PRELID2: variants seen among roughly 807,000 people sequenced by gnomAD.
PRELID2 encodes the protein PRELI domain-containing protein 2.
In PRELID2, 25 loss-of-function variants were observed where a neutral mutation model predicts 28.4. The observed-to-expected ratio is 0.88, with a 90% CI of 0.64 to 1.23. PRELID2 has a LOEUF of 1.23. Ranked by LOEUF, PRELID2 falls within the 50% of genes most tolerant of loss-of-function variation. PRELID2 has a pLI of 0.00. For missense variants in PRELID2, 201 were observed against 214.4 expected, an observed-to-expected ratio of 0.94 and a Z score of 0.39; for synonymous variants, 76 against 71.6, an observed-to-expected ratio of 1.06 and a Z score of -0.31.
chr5:145,542,955 T>C (rs1338784070), intron 1 of PRELID2, among the ~76,000 whole-genome samples: 1 of 152,068 alleles, frequency 6.6e-6, no homozygotes, highest in Non-Finnish European at 1.5e-5. Flanking sequence ...TTTAGTCTCC[T>C]GAACTCACTT....
intron 1 of PRELID2, among the ~76,000 whole-genome samples, chr5:145,830,573 A>G (rs1472597306): frequency 1.3e-5 from 2 of 152,246 alleles, no homozygotes; most frequent in African/African-American, 2.4e-5. Flanking sequence ...AAGTGATAAG[A>G]GCTAGAAAGC....
At chr5:145,772,093 TA>T (rs1758144007) in intron 5 of PRELID2, among the ~76,000 whole-genome samples, 1 of 152,160 alleles carries the variant, frequency 6.6e-6, no homozygotes, top group Non-Finnish European at 1.5e-5. Context: ...GAAAGTGGAA[TA>T]ACACCTAATA....
the PRELID2 span, among the ~76,000 whole-genome samples, chr5:145,284,871 A>G: frequency 4.8e-3 from 728 of 152,264 alleles, 7 homozygotes; most frequent in African/African-American, 0.017. Flanking sequence ...ATAATTCCTT[A>G]GAAGAATTTA....
the PRELID2 span, among the ~76,000 whole-genome samples, chr5:145,258,316 T>C: frequency 0.018 from 2,776 of 151,586 alleles, 43 homozygotes; most frequent in Middle Eastern, 0.058. Context: ...GTTAGAAGAG[T>C]TTGGTGGGTT....
chr5:145,552,609 T>C (rs1242813388), intron 1 of PRELID2, among the ~76,000 whole-genome samples: 1 of 151,690 alleles, frequency 6.6e-6, no homozygotes, highest in Non-Finnish European at 1.5e-5. Flanking sequence ...CACCAAGAAA[T>C]TAGAACCAAA....
chr5:145,655,087 C>T (rs1754369909), intron 1 of PRELID2, among the ~76,000 whole-genome samples: 2 of 151,736 alleles, frequency 1.3e-5, no homozygotes, highest in African/African-American at 4.8e-5. Flanking sequence ...AAATCACAAG[C>T]ATTCTTAAAC....
intron 1 of PRELID2, among the ~76,000 whole-genome samples, chr5:145,498,262 A>G (rs928116694): frequency 2.0e-5 from 3 of 152,226 alleles, no homozygotes; most frequent in Admixed American, 6.5e-5. Context: ...TGTAAAGACA[A>G]TAGAATCAAG....
the PRELID2 span, among the ~76,000 whole-genome samples, chr5:145,254,177 T>C: frequency 6.6e-6 from 1 of 152,172 alleles, no homozygotes; most frequent in Non-Finnish European, 1.5e-5. Flanking sequence ...ATAATGAGGA[T>C]TGACTATATT....
chr5:145,517,027 T>C (rs376540413), intron 1 of PRELID2, among the ~76,000 whole-genome samples: 57 of 152,122 alleles, frequency 3.7e-4, no homozygotes, highest in African/African-American at 1.3e-3. Context: ...CCTAAAACCA[T>C]AAAAACCCAG....
chr5:145,616,959 CCTCAGGGATGCATTCGCTTT>C (rs569113356), intron 1 of PRELID2, among the ~76,000 whole-genome samples: 297 of 152,228 alleles, frequency 2.0e-3, no homozygotes, highest in African/African-American at 6.8e-3. Flanking sequence ...AGAAGCCTAC[CCTCAGGGATGCATTCGCTTT>C]CTCAGGGATG....
rs1757344619 is a variant in PRELID2 at position 145,758,936 on chromosome 5, A to G, written c.*1600T>C. The G allele has an allele frequency of 6.6e-6, 1 of 151,956 alleles. No individual in the cohort carries two copies. Among genetic ancestry groups the G allele is most frequent in the South Asian group, 2.1e-4 (1 of 4,814 alleles). The allele number at this position is 151,956 out of a possible 1,614,324, so 9.4% of individuals were successfully genotyped here. ...TGAAATTCATCAATGGATTAAGTGG[A>G]AAAATTTTCAGACATTTTAAAAAAA... On this transcript the variant is annotated 3_prime_UTR_variant, in exon 7 of 7. Coordinates refer to ENST00000683046, the MANE Select transcript of PRELID2 (RefSeq NM_205846.3).
chr5:145,267,929 A>G, the PRELID2 span, among the ~76,000 whole-genome samples: 3 of 152,026 alleles, frequency 2.0e-5, no homozygotes, highest in African/African-American at 7.2e-5. Context: ...TTTTAATATA[A>G]CTGTTTACCA....
intron 1 of PRELID2, among the ~76,000 whole-genome samples, chr5:145,556,312 A>ATTCCATTC (rs1458026317): frequency 6.6e-6 from 1 of 152,124 alleles, no homozygotes; most frequent in African/African-American, 2.4e-5. Context: ...AGCACGTGCA[A>ATTCCATTC]TTCCATTCTT....
At chr5:145,561,245 A>G (rs555612022) in intron 1 of PRELID2, among the ~76,000 whole-genome samples, 13 of 152,206 alleles carry the variant, frequency 8.5e-5, no homozygotes, top group Non-Finnish European at 1.8e-4. Flanking sequence ...GCAAATACAT[A>G]TTAACTTCCA....
chr5:145,821,177 GTGTGTAAGTCCTCTTC>G (rs1283925371), intron 2 of PRELID2, among the ~76,000 whole-genome samples: 4 of 97,486 alleles, frequency 4.1e-5, no homozygotes, highest in South Asian at 3.1e-4. Flanking sequence ...GTGTGTGTGT[GTGTGTAAGTCCTCTTC>G]TGTGTGTGTG....
At chr5:145,472,517 C>A (rs1205914481) in intron 2 of PRELID2, among the ~76,000 whole-genome samples, 2 of 152,118 alleles carry the variant, frequency 1.3e-5, no homozygotes, top group Non-Finnish European at 2.9e-5. Context: ...GAGGAGAAAG[C>A]TTTCCCATTA....
the PRELID2 span, among the ~76,000 whole-genome samples, chr5:145,279,879 C>T: frequency 3.5e-4 from 52 of 149,310 alleles, no homozygotes; most frequent in Non-Finnish European, 6.5e-4. Context: ...TATTTTGCCA[C>T]CTCATGGTGA....
intron 5 of PRELID2, among the ~76,000 whole-genome samples, chr5:145,784,649 C>A (rs1254893487): frequency 6.6e-6 from 1 of 151,964 alleles, no homozygotes; most frequent in African/African-American, 2.4e-5. Context: ...TAGAAACCAA[C>A]AATAACAGCT....
downstream of PRELID2, among the ~76,000 whole-genome samples, chr5:145,469,127 C>T (rs1401487683): frequency 2.0e-5 from 3 of 152,104 alleles, no homozygotes; most frequent in Non-Finnish European, 4.4e-5. Context: ...CAGCCCCTCT[C>T]TTCAAATGAA....
Sources: gnomAD v4.1 joint callset for allele counts (sites outside exome capture counted in the v4.1 genomes callset) on GRCh38, gnomAD v4.1.1 for gene constraint, MANE v1.5 for transcripts, NCBI Gene and HGNC (gene_info 2026-07-23, HGNC 2026-07-21) for gene names.